The following DNAH14 variants were observed in gnomAD, a reference collection of about 807,000 sequenced individuals.
DNAH14 encodes the protein dynein axonemal heavy chain 14.
In DNAH14, 478 loss-of-function variants were observed where a neutral mutation model predicts 520.9. The observed-to-expected ratio is 0.92, with a 90% CI of 0.85 to 0.99. DNAH14 has a LOEUF of 0.99. Ranked by LOEUF, DNAH14 falls within the 50% of genes least tolerant of loss-of-function variation. The pLI is 0.00. For synonymous variants in DNAH14, 1,581 were observed against 1,757.2 expected (o/e 0.90, Z 2.51); for missense variants, 4,831 against 5,234.5 (o/e 0.92, Z 2.38).
At position 225,082,629 on chromosome 1, in the gene DNAH14, C is replaced by T; in HGVS notation, c.3217C>T (p.Leu1073=). Residue 1073 remains leucine (L), a synonymous_variant, in exon 20 of 86, where the codon CTG becomes TTG. Transcript: ENST00000682510. ...FKQELPIIIA[L]GNPCLKPRHW... is the part of the protein sequence containing the mutation. The stretch of plus-strand genomic sequence containing the variant: ...ACAAGAGCTGCCTATCATTATAGCT[C>T]TGGGAAATCCCTGTCTCAAGCCAAG... 6.4e-7 allele frequency: 1 copy of T among 1,551,644 alleles called. No individual in the cohort carries two copies. Among genetic ancestry groups the T allele is most frequent in the Non-Finnish European group, 8.7e-7 (1 of 1,146,946 alleles).
At chr1:225,314,412 T>C (rs1009669147) in intron 60 of DNAH14, among the ~76,000 whole-genome samples, 3 of 152,252 alleles carry the variant, frequency 2.0e-5, no homozygotes, top group African/African-American at 4.8e-5. Flanking sequence ...TGTCTTTTAA[T>C]TGGGGCATTT....
intron 17 of DNAH14, among the ~76,000 whole-genome samples, chr1:225,053,968 A>G (rs186078433): frequency 6.6e-6 from 1 of 152,310 alleles, no homozygotes; most frequent in East Asian, 1.9e-4. Flanking sequence ...ATAGAAGCCT[A>G]AAGAACCAGG....
intron 55 of DNAH14, among the ~76,000 whole-genome samples, chr1:225,295,523 A>G (rs2093987633): frequency 6.6e-6 from 1 of 152,168 alleles, no homozygotes; most frequent in Non-Finnish European, 1.5e-5. Context: ...GTTCAGGAGC[A>G]TACTGTTTAA....
chr1:225,326,850 TA>T (rs373423939), intron 64 of DNAH14, among the ~76,000 whole-genome samples: 21 of 149,158 alleles, frequency 1.4e-4, no homozygotes, highest in East Asian at 3.9e-4. Context: ...AAGTCCATTT[TA>T]AAAAAAAAAC....
chr1:225,159,515 T>A, intron 35 of DNAH14, 30 bp downstream of exon 35: 1 of 1,478,178 alleles, frequency 6.8e-7, no homozygotes, highest in Non-Finnish European at 9.0e-7. Context: ...TCATCACCAA[T>A]TATTTGGATG....
intron 36 of DNAH14, among the ~76,000 whole-genome samples, chr1:225,174,852 T>C (rs1332178219): frequency 6.6e-6 from 1 of 152,344 alleles, no homozygotes; most frequent in South Asian, 2.1e-4. Context: ...GTCCCTTCTA[T>C]GCCCAGTTTG....
intron 17 of DNAH14, among the ~76,000 whole-genome samples, chr1:225,053,832 A>G (rs996844411): frequency 5.3e-5 from 8 of 152,226 alleles, no homozygotes; most frequent in Non-Finnish European, 1.2e-4. Flanking sequence ...ATGTCTGGGT[A>G]TCAAGAAAGT....
intron 41 of DNAH14, among the ~76,000 whole-genome samples, chr1:225,225,540 G>A (rs559013401): frequency 4.6e-5 from 7 of 152,070 alleles, no homozygotes; most frequent in East Asian, 1.9e-4. Context: ...ATAGTAGAAC[G>A]TGTCCATTCC....
chr1:225,388,426 T>C lies in DNAH14; in HGVS notation c.13125T>C (p.Asp4375=). The change falls in exon 82 of 86, where the codon GAT becomes GAC. Residue 4375 remains aspartate, a synonymous_variant. Transcript: ENST00000682510. ...SCKPLSSWID[D]LIQRLNFFNT... Reference sequence around the variant, plus strand: ...AGCCACTGAGTTCCTGGATTGATGATCTCATCCAGCGACTGAATTTCTTCA... The same window carrying C: ...AGCCACTGAGTTCCTGGATTGATGACCTCATCCAGCGACTGAATTTCTTCA... 6.5e-7 allele frequency: 1 copy of C among 1,535,088 alleles called. No individual in the cohort carries two copies.
At chr1:225,135,422 A>G (rs2078863473) in intron 27 of DNAH14, among the ~76,000 whole-genome samples, 1 of 152,204 alleles carries the variant, frequency 6.6e-6, no homozygotes, top group Non-Finnish European at 1.5e-5. Context: ...CCCAAGAGTC[A>G]TTCAGGAGCA....
At chr1:225,058,080 G>T (rs1268309461) in intron 17 of DNAH14, among the ~76,000 whole-genome samples, 1 of 152,132 alleles carries the variant, frequency 6.6e-6, no homozygotes, top group African/African-American at 2.4e-5. Flanking sequence ...TTTTTCTGTT[G>T]ATTGGAATAC....
Position 225,333,364 on chromosome 1 carries a change from C to T in DNAH14, c.9938C>T (p.Ala3313Val). 6.4e-7 allele frequency: 1 copy of T among 1,551,740 alleles called. No individual in the cohort carries two copies. The highest frequency in any genetic ancestry group is 8.7e-7 in the Non-Finnish European group (1 of 1,146,924). ...EGILGDILLS[A>V]ACIVYSGILT... ...ATTTTGGGTGACATACTTCTTTCAG[C>T]AGCGTGCATTGTCTACAGTGGAATT... Residue 3313 changes from alanine to valine, a missense_variant, in exon 66 of 86, where the codon GCA becomes GTA. By Grantham distance (64) the Ala-to-Val change is moderately conservative. Coordinates refer to ENST00000682510, the MANE Select transcript of DNAH14 (RefSeq NM_001367479.1).
intron 62 of DNAH14, among the ~76,000 whole-genome samples, chr1:225,323,169 C>A (rs974406867): frequency 1.3e-5 from 2 of 152,164 alleles, no homozygotes; most frequent in African/African-American, 4.8e-5. Context: ...CCAGGCCATA[C>A]CACCATTACT....
Position 225,117,984 on chromosome 1 carries a change from G to T in DNAH14, c.4076G>T (p.Gly1359Val). 1 of 1,548,456 alleles carries T rather than the reference G, an allele frequency of 6.5e-7. No homozygotes were observed. Among genetic ancestry groups the T allele is most frequent in the Non-Finnish European group, 8.7e-7 (1 of 1,144,078 alleles). The change falls in exon 25 of 86, where the codon GGT (glycine) becomes GTT (valine). Residue 1359 changes from glycine (G) to valine (V), a missense_variant. Physicochemically the swap from Gly to Val is moderately radical, Grantham distance 109. Transcript: ENST00000682510. ...ATGCTAATATCTGCTGAAGGGGAAG[G>T]TCTCGTGCTGCCAAAGTATGATAAA... Reference protein sequence around the residue: ...VKMLISAEGEGLVLPKKIRVR... With the variant: ...VKMLISAEGEVLVLPKKIRVR...
At chr1:225,050,081 A>G (rs1205526103) in intron 15 of DNAH14, 129 bp from the exon 16 acceptor site, 2 of 746,446 alleles carry the variant, frequency 2.7e-6, no homozygotes, top group African/African-American at 1.9e-5. Flanking sequence ...AGTTATAAAT[A>G]TAGAATATTG....
At chr1:225,220,410 A>G (rs957377360) in intron 41 of DNAH14, among the ~76,000 whole-genome samples, 2 of 152,174 alleles carry the variant, frequency 1.3e-5, no homozygotes, top group Admixed American at 6.5e-5. Flanking sequence ...TAGAAAACCC[A>G]TTGTCTCAGC....
At chr1:224,997,272 A>T (rs983718936) in intron 8 of DNAH14, among the ~76,000 whole-genome samples, 2 of 152,176 alleles carry the variant, frequency 1.3e-5, no homozygotes, top group African/African-American at 4.8e-5. Context: ...GCATATCAGA[A>T]TGCCAGGGAA....
intron 27 of DNAH14, among the ~76,000 whole-genome samples, chr1:225,137,988 C>T (rs1422235725): frequency 6.6e-6 from 1 of 152,168 alleles, no homozygotes; most frequent in Admixed American, 6.5e-5. Context: ...GAGTCGGGCC[C>T]CAGTTAAAGA....
intron 1 of DNAH14, among the ~76,000 whole-genome samples, chr1:224,942,473 T>C (rs2059489067): frequency 6.6e-6 from 1 of 152,156 alleles, no homozygotes; most frequent in Non-Finnish European, 1.5e-5. Context: ...GACTTCCACT[T>C]TTCCTAATTG....
Sources: allele counts gnomAD v4.1 joint callset (sites outside exome capture counted in the v4.1 genomes callset), GRCh38; gene constraint gnomAD v4.1.1; transcripts MANE v1.5; gene names NCBI Gene and HGNC (gene_info 2026-07-23, HGNC 2026-07-21).